WDPCP: variants seen among roughly 807,000 people sequenced by gnomAD.
WDPCP encodes WD repeat containing planar cell polarity effector.
In WDPCP, 71 loss-of-function variants were observed where a neutral mutation model predicts 93.1. The observed-to-expected ratio is 0.76, with a 90% CI of 0.63 to 0.93. The LOEUF (loss-of-function observed/expected upper bound fraction) is 0.93. WDPCP is among the 40% of genes least tolerant of loss of function. The pLI is 0.00. For missense variants in WDPCP, 844 were observed against 887.4 expected (o/e 0.95, Z 0.62); for synonymous variants, 315 against 315.0 (o/e 1.00, Z 0.00).
the WDPCP span, among the ~76,000 whole-genome samples, chr2:63,833,343 A>C: frequency 6.6e-6 from 1 of 152,222 alleles, no homozygotes; most frequent in Non-Finnish European, 1.5e-5. Flanking sequence ...AAGTGAGGAA[A>C]TTAAGGTTCA....
chr2:63,507,586 G>A (rs1211289104), intron 1 of WDPCP, among the ~76,000 whole-genome samples: 2 of 152,054 alleles, frequency 1.3e-5, no homozygotes, highest in African/African-American at 4.8e-5. Context: ...GAATTAGTCT[G>A]ACAAACTGAC....
chr2:63,368,885 G>A (rs950703628), intron 12 of WDPCP: 13 of 152,706 alleles, frequency 8.5e-5, no homozygotes, highest in African/African-American at 2.4e-4. Flanking sequence ...TGAGCTCTGA[G>A]CTCTGCAGAT....
chr2:63,375,553 T>G (rs1217875646), intron 12 of WDPCP, among the ~76,000 whole-genome samples: 1 of 151,842 alleles, frequency 6.6e-6, no homozygotes, highest in Non-Finnish European at 1.5e-5. Flanking sequence ...TACAAAAAGA[T>G]GAGAAGTGAA....
intron 11 of WDPCP, among the ~76,000 whole-genome samples, chr2:63,379,580 T>C (rs569054910): frequency 6.6e-6 from 1 of 152,290 alleles, no homozygotes; most frequent in East Asian, 1.9e-4. Flanking sequence ...CATTGCTTGT[T>C]TTCTTGACAG....
chr2:63,414,514 CAT>C (rs1308199113), intron 9 of WDPCP, among the ~76,000 whole-genome samples: 1 of 151,804 alleles, frequency 6.6e-6, no homozygotes, highest in African/African-American at 2.4e-5. Context: ...TACACACACA[CAT>C]ATATACATAT....
chr2:63,424,361 C>A (rs1696097185), intron 9 of WDPCP, among the ~76,000 whole-genome samples: 1 of 152,128 alleles, frequency 6.6e-6, no homozygotes, highest in African/African-American at 2.4e-5. Flanking sequence ...TATCCCCCAA[C>A]TGACCACTGA....
intron 1 of WDPCP, among the ~76,000 whole-genome samples, chr2:63,520,358 C>T (rs1012387781): frequency 3.3e-5 from 5 of 152,106 alleles, no homozygotes; most frequent in Non-Finnish European, 7.3e-5. Context: ...ACTAGAGAGG[C>T]CAACATTCAA....
chr2:63,589,149 G>T, upstream of WDPCP: 1 of 1,612,940 alleles, frequency 6.2e-7, no homozygotes, highest in African/African-American at 1.3e-5. Context: ...GCAAGGCACT[G>T]TCCTTCGCGC....
intron 3 of WDPCP, among the ~76,000 whole-genome samples, chr2:63,609,910 A>G (rs1709597919): frequency 6.6e-6 from 1 of 152,234 alleles, no homozygotes. Context: ...GAAAGTATGT[A>G]TATATGAAAG....
intron 14 of WDPCP, among the ~76,000 whole-genome samples, chr2:63,227,108 A>C (rs1416321756): frequency 1.3e-5 from 2 of 151,970 alleles, no homozygotes; most frequent in South Asian, 4.1e-4. Context: ...CACTCTATGC[A>C]CATAATTAAC....
intron 1 of WDPCP, among the ~76,000 whole-genome samples, chr2:63,535,719 G>T (rs1459883809): frequency 6.6e-6 from 1 of 152,144 alleles, no homozygotes; most frequent in Non-Finnish European, 1.5e-5. Context: ...ATTCGAGATG[G>T]ATTAAAGACT....
At chr2:63,803,627 G>A (rs1473698036) in intron 2 of WDPCP, among the ~76,000 whole-genome samples, 1 of 151,980 alleles carries the variant, frequency 6.6e-6, no homozygotes, top group Non-Finnish European at 1.5e-5. Context: ...AATATAGAAA[G>A]CTATTAAATA....
intron 1 of WDPCP, among the ~76,000 whole-genome samples, chr2:63,508,979 T>C (rs1457055208): frequency 6.6e-6 from 1 of 152,134 alleles, no homozygotes; most frequent in Non-Finnish European, 1.5e-5. Context: ...CACACAATCA[T>C]AGTGGGAGAC....
chr2:63,693,439 TTAGATAGATAGATAGATAGATAGA>T (rs55755279), intron 2 of WDPCP, among the ~76,000 whole-genome samples: 10 of 145,412 alleles, frequency 6.9e-5, no homozygotes, highest in African/African-American at 2.6e-4. Context: ...GATATAGATA[TTAGATAGATAGATAGATAGATAGA>T]TAGATAGATA....
At chr2:63,139,780 A>G (rs1294689420) in intron 17 of WDPCP, among the ~76,000 whole-genome samples, 1 of 152,106 alleles carries the variant, frequency 6.6e-6, no homozygotes, top group African/African-American at 2.4e-5. Context: ...TATTCTGCTG[A>G]CTGTTTCTTT....
At chr2:63,676,495 A>G (rs980141421) in intron 2 of WDPCP, among the ~76,000 whole-genome samples, 1 of 152,204 alleles carries the variant, frequency 6.6e-6, no homozygotes, top group Non-Finnish European at 1.5e-5. Flanking sequence ...AATTACCTAC[A>G]AAGATTAAAA....
chr2:63,651,822 C>G (rs1203246511), intron 2 of WDPCP, among the ~76,000 whole-genome samples: 1 of 152,096 alleles, frequency 6.6e-6, no homozygotes, highest in Non-Finnish European at 1.5e-5. Context: ...GTAAAACTAC[C>G]CATCACAACT....
intron 2 of WDPCP, among the ~76,000 whole-genome samples, chr2:63,731,429 A>G (rs1669560684): frequency 6.6e-6 from 1 of 152,164 alleles, no homozygotes; most frequent in South Asian, 2.1e-4. Flanking sequence ...CACTTAGTAT[A>G]TATTCACTAT....
chr2:63,629,180 C>T (rs1175346932), intron 3 of WDPCP, among the ~76,000 whole-genome samples: 1 of 152,170 alleles, frequency 6.6e-6, no homozygotes, highest in East Asian at 1.9e-4. Context: ...AGTCTGCTCT[C>T]TCTAGCCAAA....
Sources: gnomAD v4.1 joint callset for allele counts (sites outside exome capture counted in the v4.1 genomes callset) on GRCh38, gnomAD v4.1.1 for gene constraint, MANE v1.5 for transcripts, NCBI Gene and HGNC (gene_info 2026-07-23, HGNC 2026-07-21) for gene names.